The following LDLRAD3 variants were observed in gnomAD, a reference collection of about 807,000 sequenced individuals.
The protein encoded by LDLRAD3 is low density lipoprotein receptor class A domain containing 3, also known as low-density lipoprotein receptor class A domain-containing protein 3.
A neutral mutation model predicts 29.4 loss-of-function variants in LDLRAD3; 20 were observed. The ratio of observed to expected loss-of-function variants is 0.68; its 90% confidence interval spans 0.48 to 0.99. The LOEUF (loss-of-function observed/expected upper bound fraction) is 0.99. Ranked by LOEUF, LDLRAD3 falls within the 50% of genes least tolerant of loss-of-function variation. The probability of loss-of-function intolerance (pLI) is 0.00; values close to 1 mark genes in which losing one functional copy is unlikely to be tolerated. For synonymous variants in LDLRAD3, 157 were observed against 192.7 expected, an observed-to-expected ratio of 0.81 and a Z score of 1.53; for missense variants, 420 against 454.3, an observed-to-expected ratio of 0.92 and a Z score of 0.69.
chr11:36,191,382 T>C (rs1306683198), intron 4 of LDLRAD3, among the ~76,000 whole-genome samples: 1 of 151,164 alleles, frequency 6.6e-6, no homozygotes, highest in Non-Finnish European at 1.5e-5. Flanking sequence ...TACAGAAAAA[T>C]TAAAAATTAT....
At chr11:36,171,811 T>C (rs1231027460) in intron 4 of LDLRAD3, among the ~76,000 whole-genome samples, 1 of 152,212 alleles carries the variant, frequency 6.6e-6, no homozygotes, top group Non-Finnish European at 1.5e-5. Flanking sequence ...GAGAGCTCTT[T>C]TTTGGTTCCT....
chr11:36,199,054 C>G (rs184304968), intron 4 of LDLRAD3, among the ~76,000 whole-genome samples: 4 of 152,190 alleles, frequency 2.6e-5, no homozygotes, highest in African/African-American at 9.7e-5. Context: ...GCGCCTGCCA[C>G]CTCGCCCGGC....
In LDLRAD3 at chr11:35,951,005, C is replaced by T. The variant is rs1851126963; in HGVS notation, c.46+6861C>T. On this transcript the variant is annotated intron_variant, in intron 1 of 5. Transcript: ENST00000315571. Reference sequence around the variant, plus strand: ...GGCTGAGGCAGGAGAATCACTTGAACCTGGGAAGTGGAGGTTGCAGTGAGC... The same window carrying T: ...GGCTGAGGCAGGAGAATCACTTGAATCTGGGAAGTGGAGGTTGCAGTGAGC... Among the ~76,000 whole-genome samples the T allele has an allele frequency of 3.3e-5, 5 of 151,944 alleles. No homozygotes were observed. In the South Asian group the frequency reaches 1.0e-3, roughly 32 times the overall value.
intron 1 of LDLRAD3, among the ~76,000 whole-genome samples, chr11:36,032,882 T>C (rs1852252992): frequency 6.9e-6 from 1 of 144,446 alleles, no homozygotes; most frequent in Non-Finnish European, 1.5e-5. Context: ...TCCTCATGCC[T>C]TTTTTTTTTT....
chr11:36,075,152 A>C (rs1406226575), intron 2 of LDLRAD3, among the ~76,000 whole-genome samples: 5 of 152,134 alleles, frequency 3.3e-5, no homozygotes, highest in Non-Finnish European at 1.5e-5. Context: ...AACCGTGAGC[A>C]CTGAGCCTCT....
chr11:36,062,300 G>C (rs1185317290), intron 2 of LDLRAD3, among the ~76,000 whole-genome samples: 1 of 152,156 alleles, frequency 6.6e-6, no homozygotes, highest in Non-Finnish European at 1.5e-5. Flanking sequence ...CAAGAGTATT[G>C]ACCTTTCCCT....
intron 4 of LDLRAD3, among the ~76,000 whole-genome samples, chr11:36,121,136 T>C (rs773256430): frequency 3.3e-5 from 5 of 152,106 alleles, no homozygotes; most frequent in Non-Finnish European, 5.9e-5. Flanking sequence ...TAACCATTCG[T>C]TGAATATGCA....
chr11:36,163,690 G>A (rs1854475587), intron 4 of LDLRAD3: 1 of 140,068 alleles, frequency 7.1e-6, no homozygotes, highest in Admixed American at 7.0e-5. Flanking sequence ...TGTGTGCAAG[G>A]TGATTGTTTA....
chr11:36,064,809 C>G (rs1402168474), intron 2 of LDLRAD3, among the ~76,000 whole-genome samples: 2 of 152,002 alleles, frequency 1.3e-5, no homozygotes, highest in Non-Finnish European at 2.9e-5. Context: ...GTGTTAATTT[C>G]CACATACTTG....
chr11:36,080,238 T>G (rs1853090136), intron 2 of LDLRAD3, among the ~76,000 whole-genome samples: 1 of 152,180 alleles, frequency 6.6e-6, no homozygotes, highest in Non-Finnish European at 1.5e-5. Context: ...GATGTAGCAA[T>G]AGGTCTCATC....
intron 4 of LDLRAD3, among the ~76,000 whole-genome samples, chr11:36,127,614 C>T (rs1032824527): frequency 6.6e-6 from 1 of 152,184 alleles, no homozygotes; most frequent in South Asian, 2.1e-4. Context: ...TTTGCTCCTA[C>T]ATCAGAAGTA....
chr11:36,000,276 T>G (rs1413549419), intron 1 of LDLRAD3, among the ~76,000 whole-genome samples: 1 of 148,898 alleles, frequency 6.7e-6, no homozygotes, highest in Non-Finnish European at 1.5e-5. Flanking sequence ...TATATGTATA[T>G]ATAATATATA....
chr11:36,114,107 C>T (rs960949727), intron 4 of LDLRAD3, among the ~76,000 whole-genome samples: 2 of 152,262 alleles, frequency 1.3e-5, no homozygotes, highest in South Asian at 2.1e-4. Context: ...TGGACTGAGC[C>T]GATAGGTCAA....
intron 2 of LDLRAD3, among the ~76,000 whole-genome samples, chr11:36,068,717 C>T (rs563258394): frequency 2.6e-5 from 4 of 152,124 alleles, no homozygotes; most frequent in African/African-American, 4.8e-5. Flanking sequence ...GGGGTTTCAC[C>T]GTGTTAGCCA....
intron 1 of LDLRAD3, among the ~76,000 whole-genome samples, chr11:35,952,655 C>T (rs887091777): frequency 1.3e-5 from 2 of 152,068 alleles, no homozygotes; most frequent in Non-Finnish European, 2.9e-5. Context: ...GAATACCAAC[C>T]AAAAGCAATT....
intron 1 of LDLRAD3, among the ~76,000 whole-genome samples, chr11:36,026,989 G>T (rs780318083): frequency 6.6e-6 from 1 of 152,142 alleles, no homozygotes; most frequent in Non-Finnish European, 1.5e-5. Flanking sequence ...TTGCTCTCAC[G>T]TTACTCTGGA....
At chr11:35,973,195 T>C (rs938909839) in intron 1 of LDLRAD3, among the ~76,000 whole-genome samples, 30 of 152,086 alleles carry the variant, frequency 2.0e-4, no homozygotes, top group Admixed American at 1.8e-3. Flanking sequence ...TTGTTGTCGT[T>C]GTTTACTTAC....
intron 4 of LDLRAD3, among the ~76,000 whole-genome samples, chr11:36,146,002 T>TAAAAAAAAAAAAA (rs367591997): frequency 7.2e-6 from 1 of 138,674 alleles, no homozygotes; most frequent in Non-Finnish European, 1.5e-5. Flanking sequence ...GAATGATCAA[T>TAAAAAAAAAAAAA]AAAAAAAAGA....
At chr11:36,047,672 C>T (rs2422128) in intron 2 of LDLRAD3, among the ~76,000 whole-genome samples, 4,760 of 152,280 alleles carry the variant, frequency 0.031, 234 homozygotes, top group Admixed American at 0.13. Flanking sequence ...TGAGAAGGAC[C>T]TGGCTCTGCA....
Sources: allele counts gnomAD v4.1 joint callset (sites outside exome capture counted in the v4.1 genomes callset), GRCh38; gene constraint gnomAD v4.1.1; transcripts MANE v1.5; gene names NCBI Gene and HGNC (gene_info 2026-07-23, HGNC 2026-07-21).